The following VSTM4 variants were observed in gnomAD, a reference collection of about 807,000 sequenced individuals.
The protein encoded by VSTM4 is V-set and transmembrane domain containing 4, also known as V-set and transmembrane domain-containing protein 4.
In VSTM4, 20 loss-of-function variants were observed where a neutral mutation model predicts 36.4. The observed-to-expected ratio is 0.55, with a 90% confidence interval of 0.39 to 0.80. The LOEUF is 0.80. Ranked by LOEUF, VSTM4 falls within the 30% of genes least tolerant of loss-of-function variation. The pLI, the probability that VSTM4 is intolerant of heterozygous loss-of-function variation, is 0.00. For missense variants in VSTM4, 392 were observed against 404.5 expected (o/e 0.97, Z 0.26); for synonymous variants, 182 against 173.9 (o/e 1.05, Z -0.37).
intron 2 of VSTM4, 125 bp from the exon 3 acceptor site, chr10:49,086,148 T>C: frequency 1.8e-6 from 1 of 569,460 alleles, no homozygotes; most frequent in East Asian, 3.0e-5. Flanking sequence ...ACTCACATGT[T>C]AGGGAGGGGT....
chr10:49,096,667 G>GTGTGTGTGTT (rs71465497), intron 2 of VSTM4, among the ~76,000 whole-genome samples: 2 of 145,986 alleles, frequency 1.4e-5, no homozygotes, highest in African/African-American at 5.1e-5. Context: ...GTGTGTGTGT[G>GTGTGTGTGTT]TTTTGAGACG....
rs1310957742 is a variant in VSTM4 at position 49,015,185 on chromosome 10, G to C, written c.*4465C>G. Reference sequence around the variant, plus strand: ...TGCCCAGGCTGGAGTGCAGCAGCACGATCTCGGCTCACTGCAAGCTCCGCC... The same window carrying C: ...TGCCCAGGCTGGAGTGCAGCAGCACCATCTCGGCTCACTGCAAGCTCCGCC... On this transcript the variant is annotated 3_prime_UTR_variant, in exon 8 of 8. Coordinates refer to ENST00000332853, the MANE Select transcript of VSTM4 (RefSeq NM_001031746.5). 6.9e-6 allele frequency: 1 copy of C among 144,562 alleles called. No individual in the cohort carries two copies. The highest frequency in any genetic ancestry group is 2.6e-5 in the African/African-American group (1 of 38,564). The allele number at this position is 144,562 out of a possible 1,614,324, so 9.0% of individuals were successfully genotyped here.
In VSTM4 at chr10:49,060,327, A is replaced by G. The variant is rs1843854363; in HGVS notation, c.668+4376T>C. Among the ~76,000 whole-genome samples the G allele has an allele frequency of 2.0e-5, 3 of 152,230 alleles. No homozygotes were observed. The South Asian group carries it at 6.2e-4, about 31-fold the overall frequency. The stretch of plus-strand genomic sequence containing the variant: ...AATTTTATATTCCCACCAGCAATGT[A>G]CAAAGATCCAATTTCTCCACATCTT... On this transcript the variant is annotated intron_variant, in intron 5 of 7. Transcript: ENST00000332853.
At chr10:49,101,422 T>C (rs1388667861) in intron 2 of VSTM4, among the ~76,000 whole-genome samples, 1 of 152,206 alleles carries the variant, frequency 6.6e-6, no homozygotes, top group East Asian at 1.9e-4. Flanking sequence ...ATTAAGGTTA[T>C]GGCCAGGAAA....
At position 49,106,578 on chromosome 10, in the gene VSTM4, T is replaced by G. The variant is rs570942016; in HGVS notation, c.457+1016A>C. ...TCTGCCCACTTCCTCATGAATTTCT[T>G]GGCGAGCTGTTGCCTAAGTTTGGAT... On this transcript the variant is annotated intron_variant, in intron 2 of 7. Coordinates refer to ENST00000332853, the MANE Select transcript of VSTM4 (RefSeq NM_001031746.5). Among the ~76,000 whole-genome samples, 6 of 152,370 alleles carry G rather than the reference T, an allele frequency of 3.9e-5. No individual in the cohort carries two copies. In the East Asian group the frequency reaches 1.2e-3, roughly 29 times the overall value.
Position 49,058,217 on chromosome 10 carries a change from G to A in VSTM4, c.668+6486C>T, listed in dbSNP as rs139591572. Among the ~76,000 whole-genome samples the A allele has an allele frequency of 7.6e-4, 116 of 152,174 alleles. No homozygotes were observed. In the East Asian group the frequency reaches 0.012, roughly 15 times the overall value. On this transcript the variant is annotated intron_variant, in intron 5 of 7. Transcript: ENST00000332853. Reference sequence around the variant, plus strand: ...GCAAGTACTTTATTATCTCAATCCCGTAAGTAGAGATGAAGCAAAAGGCCA... The same window carrying A: ...GCAAGTACTTTATTATCTCAATCCCATAAGTAGAGATGAAGCAAAAGGCCA...
chr10:49,030,600 C>G (rs1021470103), intron 7 of VSTM4, among the ~76,000 whole-genome samples: 2 of 152,190 alleles, frequency 1.3e-5, no homozygotes, highest in East Asian at 1.9e-4. Flanking sequence ...TGAAGACGTG[C>G]ACTTTGGGTT....
chr10:49,019,418 G>T lies in VSTM4; in HGVS notation c.*232C>A. ...CAGGATCAGAATCCTTACGCTCAGG[G>T]CTCAAACCCAGGCGCATCTTGTCCC... On this transcript the variant is annotated 3_prime_UTR_variant, in exon 8 of 8. Coordinates refer to ENST00000332853, the MANE Select transcript of VSTM4 (RefSeq NM_001031746.5). 2.5e-6 allele frequency: 1 copy of T among 394,480 alleles called. No homozygotes were observed. Among genetic ancestry groups the T allele is most frequent in the Non-Finnish European group, 4.2e-6 (1 of 240,270 alleles). 24.4% of individuals were successfully genotyped at this position (394,480 alleles called of 1,614,324 possible). A position where few individuals can be genotyped will look rare whatever the true frequency, so the allele number is the denominator to read the frequency against.
intron 7 of VSTM4, among the ~76,000 whole-genome samples, chr10:49,041,477 A>C: frequency 6.6e-6 from 1 of 152,352 alleles, no homozygotes; most frequent in Middle Eastern, 3.4e-3. Flanking sequence ...AGAATTTCCT[A>C]TGATGAGTCC....
Position 49,107,774 on chromosome 10 carries a change from T to A in VSTM4, c.277A>T (p.Ser93Cys). The A allele has an allele frequency of 6.2e-7, 1 of 1,614,264 alleles. No homozygotes were observed. Among genetic ancestry groups the A allele is most frequent in the Non-Finnish European group, 8.5e-7 (1 of 1,180,042 alleles). Residue 93 changes from serine to cysteine, a missense_variant, in exon 2 of 8, where the codon AGC becomes TGC. Coordinates refer to ENST00000332853, the MANE Select transcript of VSTM4 (RefSeq NM_001031746.5). ...VVQYYGNFSR[S>C]AKRRRLRLLE... ...AGGCGCAGCCTCCGCCGTTTGGCGC[T>A]GCGGCTGAAATTCCCATAGTACTGC...
At chr10:49,110,115 C>A (rs1844865857) in intron 1 of VSTM4, among the ~76,000 whole-genome samples, 1 of 152,200 alleles carries the variant, frequency 6.6e-6, no homozygotes, top group South Asian at 2.1e-4. Flanking sequence ...AGTCCAGCCC[C>A]ACCCCGCCCT....
intron 5 of VSTM4, among the ~76,000 whole-genome samples, chr10:49,062,765 G>C (rs1320042660): frequency 6.6e-6 from 1 of 152,122 alleles, no homozygotes; most frequent in Non-Finnish European, 1.5e-5. Context: ...GTAGGTCCTT[G>C]ATGTCTGTTC....
intron 5 of VSTM4, among the ~76,000 whole-genome samples, chr10:49,062,219 A>G (rs1843889337): frequency 6.6e-6 from 1 of 152,210 alleles, no homozygotes; most frequent in Non-Finnish European, 1.5e-5. Context: ...GTGATTTTTA[A>G]AACTCACGAC....
At chr10:49,108,045 C>G in intron 1 of VSTM4, 50 bp from the exon 2 acceptor site, 1 of 1,506,454 alleles carries the variant, frequency 6.6e-7, no homozygotes. Flanking sequence ...CCAAGTCCCC[C>G]TGTGGGCAGT....
intron 5 of VSTM4, among the ~76,000 whole-genome samples, chr10:49,055,089 C>A (rs1444122089): frequency 6.6e-6 from 1 of 152,084 alleles, no homozygotes; most frequent in Non-Finnish European, 1.5e-5. Context: ...GTGGTCTGAA[C>A]TGGGACACCT....
chr10:49,044,864 T>C (rs1843581938), intron 7 of VSTM4, among the ~76,000 whole-genome samples: 1 of 152,264 alleles, frequency 6.6e-6, no homozygotes. Context: ...CCATCTCCTG[T>C]TAACTTTTGT....
intron 7 of VSTM4, among the ~76,000 whole-genome samples, chr10:49,027,618 G>A (rs536388175): frequency 2.0e-5 from 3 of 152,232 alleles, no homozygotes; most frequent in East Asian, 1.9e-4. Context: ...CCTCCAGCCC[G>A]ACCCCTGGCA....
chr10:49,108,081 C>T, intron 1 of VSTM4, 86 bp from the exon 2 acceptor site: 8 of 1,450,144 alleles, frequency 5.5e-6, no homozygotes, highest in Non-Finnish European at 7.3e-6. Context: ...CAGGAAATGC[C>T]TCCACGCACT....
intron 3 of VSTM4, among the ~76,000 whole-genome samples, chr10:49,080,013 T>C (rs1401732271): frequency 2.6e-5 from 4 of 152,234 alleles, no homozygotes; most frequent in Non-Finnish European, 5.9e-5. Flanking sequence ...TTTATCATAT[T>C]AATATATCAG....
Sources: allele counts gnomAD v4.1 joint callset (sites outside exome capture counted in the v4.1 genomes callset), GRCh38; gene constraint gnomAD v4.1.1; transcripts MANE v1.5; gene names NCBI Gene and HGNC (gene_info 2026-07-23, HGNC 2026-07-21).